The following RGS9 variants were observed in gnomAD, a reference collection of about 807,000 sequenced individuals.
RGS9 encodes the protein regulator of G-protein signalling 9.
Under a neutral mutation model 102.0 loss-of-function variants are expected in RGS9, and 78 were observed. That is an observed-to-expected ratio of 0.76 (90% confidence interval 0.64 to 0.92). The LOEUF (loss-of-function observed/expected upper bound fraction) is 0.92. Among genes scored for constraint, RGS9 ranks in the 40% least tolerant of loss-of-function variants. The probability of loss-of-function intolerance (pLI) is 0.00; values close to 1 mark genes in which losing one functional copy is unlikely to be tolerated. For missense variants in RGS9, 833 were observed against 866.1 expected (o/e 0.96, Z 0.48); for synonymous variants, 353 against 318.6 (o/e 1.11, Z -1.15).
intron 17 of RGS9, among the ~76,000 whole-genome samples, chr17:65,213,935 G>A (rs562581897): frequency 1.3e-5 from 2 of 152,270 alleles, no homozygotes; most frequent in Admixed American, 1.3e-4. Context: ...CAGCATTTAT[G>A]CTTCATAGAT....
intron 17 of RGS9, among the ~76,000 whole-genome samples, chr17:65,221,176 T>G (rs1244874742): frequency 6.6e-6 from 1 of 152,174 alleles, no homozygotes; most frequent in African/African-American, 2.4e-5. Context: ...TCCTCGCCTG[T>G]CTGTCATTCA....
intron 13 of RGS9, among the ~76,000 whole-genome samples, chr17:65,198,691 A>G (rs1912695778): frequency 6.6e-6 from 1 of 152,218 alleles, no homozygotes; most frequent in African/African-American, 2.4e-5. Context: ...TTCCTTGCTC[A>G]GTACCCAGCC....
rs545292678 is a variant in RGS9 at position 65,167,197 on chromosome 17, T to A, written c.501-1003T>A. 4.0e-4 allele frequency among the ~76,000 whole-genome samples: 61 copies of A among 152,146 alleles called. No individual in the cohort carries two copies. The South Asian group carries it at 5.2e-3, about 13-fold the overall frequency. On this transcript the variant is annotated intron_variant, in intron 7 of 18. Transcript: ENST00000262406. ...ATAAAAAGGAAAATAAACAGCCCTT[T>A]TTTATTTATTTATTTTTTTTTGAGA...
chr17:65,162,941 A>G, intron 6 of RGS9, 72 bp from the exon 7 acceptor site: 2 of 825,060 alleles, frequency 2.4e-6, no homozygotes, highest in South Asian at 2.8e-5. Flanking sequence ...TTGCTGACTT[A>G]GAGTTTGTTG....
intron 1 of RGS9, among the ~76,000 whole-genome samples, chr17:65,143,671 C>G (rs1910242003): frequency 6.6e-6 from 1 of 151,748 alleles, no homozygotes; most frequent in African/African-American, 2.4e-5. Context: ...GCAGGCACCT[C>G]TAGCCCCAGC....
chr17:65,137,897 C>T (rs1909971924), intron 1 of RGS9, among the ~76,000 whole-genome samples: 1 of 152,166 alleles, frequency 6.6e-6, no homozygotes, highest in Non-Finnish European at 1.5e-5. Context: ...TTTGAGACAG[C>T]CTGCTGATAT....
intron 8 of RGS9, among the ~76,000 whole-genome samples, chr17:65,175,328 CT>C (rs1911585897): frequency 6.6e-6 from 1 of 151,908 alleles, no homozygotes; most frequent in Admixed American, 6.6e-5. Flanking sequence ...TGTATGAAGT[CT>C]GCCTTCAGTT....
chr17:65,194,403 G>A (rs772926348), intron 12 of RGS9, among the ~76,000 whole-genome samples: 7 of 152,058 alleles, frequency 4.6e-5, no homozygotes, highest in Admixed American at 1.3e-4. Context: ...CATTTCTCTC[G>A]GGTGTATATC....
At chr17:65,197,675 T>TC (rs1026627147) in intron 13 of RGS9, among the ~76,000 whole-genome samples, 4 of 151,938 alleles carry the variant, frequency 2.6e-5, no homozygotes, top group East Asian at 1.9e-4. Flanking sequence ...TTTCTTTCTT[T>TC]TTTTTTTTTC....
chr17:65,212,460 G>A (rs1325844842), intron 17 of RGS9, among the ~76,000 whole-genome samples: 1 of 152,196 alleles, frequency 6.6e-6, no homozygotes, highest in Non-Finnish European at 1.5e-5. Context: ...GGCCATAAGA[G>A]CATGTGGACC....
chr17:65,144,710 A>G (rs1910287850), intron 1 of RGS9, among the ~76,000 whole-genome samples: 1 of 152,222 alleles, frequency 6.6e-6, no homozygotes, highest in Non-Finnish European at 1.5e-5. Context: ...CAGAATAGCA[A>G]GGGCATCTCA....
chr17:65,198,223 C>A (rs1158243166), intron 13 of RGS9, among the ~76,000 whole-genome samples: 1 of 151,506 alleles, frequency 6.6e-6, no homozygotes, highest in Non-Finnish European at 1.5e-5. Context: ...ACATTTTGTC[C>A]CATCTCTGAA....
intron 17 of RGS9, among the ~76,000 whole-genome samples, chr17:65,214,772 C>G (rs1025368313): frequency 2.0e-5 from 3 of 152,188 alleles, no homozygotes; most frequent in African/African-American, 4.8e-5. Context: ...TTTGGTGGCC[C>G]TGAGCACAGG....
chr17:65,181,480 G>A (rs1386101603), intron 9 of RGS9, among the ~76,000 whole-genome samples: 3 of 152,202 alleles, frequency 2.0e-5, no homozygotes, highest in South Asian at 2.1e-4. Flanking sequence ...CAGGTGTCTC[G>A]GGCCCTGGGT....
At chr17:65,156,620 C>T (rs528831313) in intron 2 of RGS9, among the ~76,000 whole-genome samples, 4 of 152,336 alleles carry the variant, frequency 2.6e-5, no homozygotes, top group African/African-American at 7.2e-5. Context: ...AGGCTGTCAA[C>T]GTAGACCGCG....
chr17:65,200,181 G>A (rs908048104), intron 13 of RGS9, among the ~76,000 whole-genome samples: 9 of 152,130 alleles, frequency 5.9e-5, no homozygotes, highest in East Asian at 1.9e-4. Flanking sequence ...AGAGGCGCCC[G>A]CCACCACGGC....
Position 65,145,566 on chromosome 17 carries a change from A to ATTTTTTTT in RGS9, c.58-7855_58-7854insTTTTTTTT, listed in dbSNP as rs1567858058. Among the ~76,000 whole-genome samples, 5 of 118,304 alleles carry ATTTTTTTT rather than the reference A, an allele frequency of 4.2e-5. 1 individual carries two copies. The highest frequency in any genetic ancestry group is 7.9e-5 in the Non-Finnish European group (5 of 63,508). 77.6% of individuals were successfully genotyped at this position (118,304 alleles called of 152,430 possible). ...CTCCTGGCTATTTTTTTTTTTTTTA[A>ATTTTTTTT]TATATTTTTAATAGAGATGAGGTTT... On this transcript the variant is annotated intron_variant, in intron 1 of 18. Transcript: ENST00000262406.
At position 65,158,355 on chromosome 17, in the gene RGS9, C is replaced by T. The variant is rs1290839941; in HGVS notation, c.205+10C>T. The stretch of plus-strand genomic sequence containing the variant: ...TGGATCTCCAGTCTGGGTGAGAGCT[C>T]ATCTGGCACTCAGTTATCCGGGACA... On this transcript the variant is annotated intron_variant, in intron 3 of 18. Coordinates refer to ENST00000262406, the MANE Select transcript of RGS9 (RefSeq NM_003835.4). The T allele has an allele frequency of 6.2e-7, 1 of 1,612,958 alleles. No homozygotes were observed.
chr17:65,217,256 G>A (rs561678363), intron 17 of RGS9, among the ~76,000 whole-genome samples: 70 of 152,346 alleles, frequency 4.6e-4, no homozygotes, highest in Non-Finnish European at 6.9e-4. Context: ...TGCTGAGGTG[G>A]ATCAGAGCAT....
Sources: allele counts gnomAD v4.1 joint callset (sites outside exome capture counted in the v4.1 genomes callset), GRCh38; gene constraint gnomAD v4.1.1; transcripts MANE v1.5; gene names NCBI Gene and HGNC (gene_info 2026-07-23, HGNC 2026-07-21).